GALNT13: variants seen among roughly 807,000 people sequenced by gnomAD.
GALNT13 encodes the protein UDP-GalNAc:polypeptide N-acetylgalactosaminyltransferase 13.
In GALNT13, 28 loss-of-function variants were observed where a neutral mutation model predicts 64.2. The observed-to-expected ratio is 0.44, with a 90% confidence interval of 0.32 to 0.60. The LOEUF (loss-of-function observed/expected upper bound fraction) is 0.60, where lower values mean the gene tolerates loss of function less well. Ranked by LOEUF, GALNT13 falls within the 20% of genes least tolerant of loss-of-function variation. The probability of loss-of-function intolerance (pLI) is 0.05; values close to 1 mark genes in which losing one functional copy is unlikely to be tolerated. For missense variants in GALNT13, 577 were observed against 669.8 expected, an observed-to-expected ratio of 0.86 and a Z score of 1.53; for synonymous variants, 214 against 224.6, an observed-to-expected ratio of 0.95 and a Z score of 0.42.
chr2:154,284,245 T>G (rs1052184950), intron 8 of GALNT13, among the ~76,000 whole-genome samples: 2 of 152,176 alleles, frequency 1.3e-5, no homozygotes, highest in Non-Finnish European at 2.9e-5. Flanking sequence ...TGAAGTTTTT[T>G]GTCCTTTGAC....
chr2:153,518,342 T>A, the GALNT13 span, among the ~76,000 whole-genome samples: 1 of 152,176 alleles, frequency 6.6e-6, no homozygotes, highest in Non-Finnish European at 1.5e-5. Flanking sequence ...CCATGTATAT[T>A]TGTTCATCCA....
At chr2:153,186,257 T>G in the GALNT13 span, among the ~76,000 whole-genome samples, 2 of 152,214 alleles carry the variant, frequency 1.3e-5, no homozygotes, top group Non-Finnish European at 2.9e-5. Flanking sequence ...AAAGTCTGTT[T>G]TGTCAGAAAC....
In GALNT13 at chr2:154,393,839, G is replaced by A. The variant is rs562110122; in HGVS notation, c.1157-2152G>A. 2.0e-3 allele frequency among the ~76,000 whole-genome samples: 299 copies of A among 151,970 alleles called. 1 individual carries two copies. The highest frequency in any genetic ancestry group is 2.7e-3 in the Non-Finnish European group (181 of 67,962). On this transcript the variant is annotated intron_variant, in intron 9 of 12. Transcript: ENST00000392825. ...CACGCCTGTAATCCCAGCACTTTGGGAGGCCGAGGCGGGCGGATCACGAGG... is the reference window on the plus strand; with the variant it reads ...CACGCCTGTAATCCCAGCACTTTGGAAGGCCGAGGCGGGCGGATCACGAGG...
At chr2:153,387,026 T>C in the GALNT13 span, among the ~76,000 whole-genome samples, 50 of 152,258 alleles carry the variant, frequency 3.3e-4, no homozygotes, top group Non-Finnish European at 6.0e-4. Context: ...ACAGAAGTTA[T>C]GATTTAGAAA....
intron 3 of GALNT13, among the ~76,000 whole-genome samples, chr2:153,988,749 G>C (rs891560386): frequency 2.6e-5 from 4 of 151,970 alleles, no homozygotes; most frequent in Non-Finnish European, 4.4e-5. Context: ...TTAAGAGGAT[G>C]ATGAGGATCT....
the GALNT13 span, among the ~76,000 whole-genome samples, chr2:153,090,607 A>C: frequency 6.6e-6 from 1 of 152,176 alleles, no homozygotes; most frequent in African/African-American, 2.4e-5. Flanking sequence ...TCAAGAGAGT[A>C]CGAACTGCTT....
At chr2:153,202,696 C>T in the GALNT13 span, among the ~76,000 whole-genome samples, 1 of 152,052 alleles carries the variant, frequency 6.6e-6, no homozygotes, top group Non-Finnish European at 1.5e-5. Context: ...AATTGTTTTA[C>T]CCGAATTTAT....
the GALNT13 span, among the ~76,000 whole-genome samples, chr2:153,486,767 AT>A: frequency 6.6e-6 from 1 of 152,144 alleles, no homozygotes; most frequent in African/African-American, 2.4e-5. Context: ...AGCATAGACA[AT>A]TTTTGCCTCC....
At chr2:154,299,814 G>A (rs1236656150) in intron 8 of GALNT13, among the ~76,000 whole-genome samples, 3 of 151,882 alleles carry the variant, frequency 2.0e-5, no homozygotes, top group African/African-American at 7.3e-5. Flanking sequence ...TAAGGGGGAG[G>A]AAGGTTTCTA....
intron 4 of GALNT13, among the ~76,000 whole-genome samples, chr2:154,211,651 A>AAAG (rs1687777593): frequency 2.7e-5 from 4 of 147,784 alleles, no homozygotes; most frequent in African/African-American, 1.0e-4. Context: ...AAAAAAAAAA[A>AAAG]AAAAGAAAAG....
At chr2:153,891,260 C>T (rs1435125414) in intron 1 of GALNT13, among the ~76,000 whole-genome samples, 4 of 152,000 alleles carry the variant, frequency 2.6e-5, no homozygotes, top group Non-Finnish European at 2.9e-5. Flanking sequence ...CAAAATGATG[C>T]AGGCCAAAAA....
chr2:154,230,838 T>C (rs1228590542), intron 4 of GALNT13, among the ~76,000 whole-genome samples: 2 of 151,630 alleles, frequency 1.3e-5, no homozygotes, highest in East Asian at 3.9e-4. Flanking sequence ...CTGCTTTTGT[T>C]ACTGCTTTCT....
At chr2:154,033,072 A>G (rs1334537458) in intron 3 of GALNT13, among the ~76,000 whole-genome samples, 1 of 151,938 alleles carries the variant, frequency 6.6e-6, no homozygotes, top group East Asian at 1.9e-4. Context: ...AAAGGTGCAG[A>G]AAATTCAATA....
chr2:153,481,871 A>T, the GALNT13 span, among the ~76,000 whole-genome samples: 21 of 152,340 alleles, frequency 1.4e-4, no homozygotes, highest in South Asian at 4.3e-3. Flanking sequence ...CAGATATTTT[A>T]AAAAAGGAAA....
intron 9 of GALNT13, among the ~76,000 whole-genome samples, chr2:154,322,266 CCTT>C (rs1694666442): frequency 6.8e-6 from 1 of 146,774 alleles, no homozygotes; most frequent in East Asian, 2.1e-4. Context: ...TCCAACTTCA[CCTT>C]CTATATTCTT....
At chr2:153,349,195 C>A in the GALNT13 span, among the ~76,000 whole-genome samples, 4 of 151,498 alleles carry the variant, frequency 2.6e-5, no homozygotes, top group African/African-American at 9.7e-5. Context: ...TACTTCAGAG[C>A]AAGTGTGAAA....
At position 154,242,824 on chromosome 2, in the gene GALNT13, A is replaced by G. The variant is rs1383019749; in HGVS notation, c.605A>G (p.Gln202Arg). 10 of 1,614,156 alleles carry G rather than the reference A, an allele frequency of 6.2e-6. No homozygotes were observed. Among genetic ancestry groups the G allele is most frequent in the Non-Finnish European group, 7.6e-6 (9 of 1,180,012 alleles). Reference sequence around the variant, plus strand: ...CGAGGAGCAGCTGCTTCAAAAGGGCAGGTCATAACTTTTCTTGATGCACAC... The same window carrying G: ...CGAGGAGCAGCTGCTTCAAAAGGGCGGGTCATAACTTTTCTTGATGCACAC... Reference protein sequence around the residue: ...RLRGAAASKGQVITFLDAHCE... With the variant: ...RLRGAAASKGRVITFLDAHCE... Residue 202 changes from glutamine (Q) to arginine (R), a missense_variant, in exon 6 of 13, where the codon CAG becomes CGG. Physicochemically the swap from Gln to Arg is conservative, Grantham distance 43 (BLOSUM62 1). Around this residue, in one of 3 missense-constraint regions of GALNT13, gnomAD observed 341 missense variants for 379.3 expected, o/e 0.90. Transcript: ENST00000392825.
At chr2:153,821,599 G>T in the GALNT13 span, among the ~76,000 whole-genome samples, 3 of 152,020 alleles carry the variant, frequency 2.0e-5, no homozygotes, top group South Asian at 4.1e-4. Context: ...ATGTTAAGAG[G>T]AAAATTATAA....
the GALNT13 span, among the ~76,000 whole-genome samples, chr2:153,690,701 A>G: frequency 1.3e-5 from 2 of 152,174 alleles, no homozygotes; most frequent in African/African-American, 4.8e-5. Flanking sequence ...CCCATGCAAT[A>G]AGAGCTTTTA....
Sources: gnomAD v4.1 joint callset for allele counts (sites outside exome capture counted in the v4.1 genomes callset) on GRCh38, gnomAD v4.1.1 for gene constraint, gnomAD v4.1.1 regional missense constraint, MANE v1.5 for transcripts, NCBI Gene and HGNC (gene_info 2026-07-23, HGNC 2026-07-21) for gene names.